JAKMIP2: variants seen among roughly 807,000 people sequenced by gnomAD.
JAKMIP2 encodes the protein janus kinase and microtubule-interacting protein 2.
Under a neutral mutation model 115.0 loss-of-function variants are expected in JAKMIP2, and 25 were observed. The ratio of observed to expected loss-of-function variants is 0.22; its 90% CI spans 0.16 to 0.30. The LOEUF is 0.30. Among genes scored for constraint, JAKMIP2 ranks in the 10% least tolerant of loss-of-function variants. The pLI is 1.00. For synonymous variants in JAKMIP2, 334 were observed against 343.6 expected, an observed-to-expected ratio of 0.97 and a Z score of 0.31; for missense variants, 642 against 957.6, an observed-to-expected ratio of 0.67 and a Z score of 4.35.
intron 1 of JAKMIP2, among the ~76,000 whole-genome samples, chr5:147,724,366 T>A (rs1414084169): frequency 6.6e-6 from 1 of 152,190 alleles, no homozygotes; most frequent in Non-Finnish European, 1.5e-5. Flanking sequence ...CACCTGCAGC[T>A]TGATAGAATA....
intron 1 of JAKMIP2, among the ~76,000 whole-genome samples, chr5:147,744,597 A>C (rs1463181906): frequency 6.6e-6 from 1 of 152,220 alleles, no homozygotes; most frequent in Admixed American, 6.5e-5. Context: ...TTACAAAAAT[A>C]ATTACAGCAT....
In JAKMIP2 at chr5:147,641,817, T is replaced by A. The variant is rs898836788; in HGVS notation, c.1225-53A>T. 3 of 1,429,196 alleles carry A rather than the reference T, an allele frequency of 2.1e-6. No individual in the cohort carries two copies. In the African/African-American group the frequency reaches 4.2e-5, roughly 20 times the overall value. The allele number at this position is 1,429,196 out of a possible 1,614,324, so 88.5% of individuals were successfully genotyped here. A position where few individuals can be genotyped will look rare whatever the true frequency, so the allele number is the denominator to read the frequency against. ...TCCAGAATTGGTAGATGTTTCTTTA[T>A]AGTTTTTTGCAAAGACAGAGTGTTC... On this transcript the variant is annotated intron_variant, in intron 7 of 21. Transcript: ENST00000616793.
intron 21 of JAKMIP2, among the ~76,000 whole-genome samples, chr5:147,598,970 T>C (rs1324795638): frequency 1.3e-5 from 2 of 152,204 alleles, no homozygotes; most frequent in East Asian, 1.9e-4. Context: ...TTTTCAGTGA[T>C]GTTTTATTCC....
At chr5:147,701,246 A>G (rs981886871) in intron 1 of JAKMIP2, among the ~76,000 whole-genome samples, 10 of 152,170 alleles carry the variant, frequency 6.6e-5, no homozygotes, top group African/African-American at 2.4e-4. Context: ...TTACTTTGTG[A>G]TCAGATACTG....
chr5:147,698,577 T>C (rs909471625), intron 1 of JAKMIP2, among the ~76,000 whole-genome samples: 3 of 152,154 alleles, frequency 2.0e-5, no homozygotes, highest in Non-Finnish European at 4.4e-5. Context: ...ATGATGAAGA[T>C]GGTTTTCCTC....
intron 1 of JAKMIP2, among the ~76,000 whole-genome samples, chr5:147,769,198 C>A (rs1320603861): frequency 6.6e-6 from 1 of 152,128 alleles, no homozygotes; most frequent in Non-Finnish European, 1.5e-5. Context: ...CTCACACAGT[C>A]CTCCCCGGAG....
rs1309529979 is a variant in JAKMIP2, at chr5:147,644,034, G to A, written c.1224+24C>T. On this transcript the variant is annotated intron_variant, in intron 7 of 21. Coordinates refer to ENST00000616793, the MANE Select transcript of JAKMIP2 (RefSeq NM_001270941.2). Reference sequence around the variant, plus strand: ...TACTTGTCCTTGGGAACAACTTAGGGTTTACAGATTGATTGACACGTACCC... The same window carrying A: ...TACTTGTCCTTGGGAACAACTTAGGATTTACAGATTGATTGACACGTACCC... 5 of 1,520,286 alleles carry A rather than the reference G, an allele frequency of 3.3e-6. No individual in the cohort carries two copies. In the South Asian group the frequency reaches 6.9e-5, roughly 21 times the overall value. The allele number at this position is 1,520,286 out of a possible 1,614,324, so 94.2% of individuals were successfully genotyped here. A position where few individuals can be genotyped will look rare whatever the true frequency, so the allele number is the denominator to read the frequency against.
At chr5:147,700,014 G>T (rs1220005420) in intron 1 of JAKMIP2, among the ~76,000 whole-genome samples, 1 of 152,194 alleles carries the variant, frequency 6.6e-6, no homozygotes, top group African/African-American at 2.4e-5. Flanking sequence ...TGGCTGAAAG[G>T]CCAGTGCTCC....
chr5:147,647,064 A>G lies in JAKMIP2; in HGVS notation c.936+1312T>C, dbSNP rs77285291. On this transcript the variant is annotated intron_variant, in intron 5 of 21. Coordinates refer to ENST00000616793, the MANE Select transcript of JAKMIP2 (RefSeq NM_001270941.2). ...GAGTATGCCTCCTTTTCATGTAAAC[A>G]TGTAACATTGCTAAAATTGACTGTA... Among the ~76,000 whole-genome samples the G allele has an allele frequency of 1.1e-3, 172 of 152,196 alleles. 2 individuals are homozygous for G. The East Asian group carries it at 0.032, about 29-fold the overall frequency.
At chr5:147,690,992 C>T (rs1036833437) in intron 1 of JAKMIP2, among the ~76,000 whole-genome samples, 6 of 152,046 alleles carry the variant, frequency 3.9e-5, no homozygotes, top group Admixed American at 3.3e-4. Flanking sequence ...TTCTGGTCTC[C>T]TTTTCCTCAT....
intron 1 of JAKMIP2, among the ~76,000 whole-genome samples, chr5:147,742,155 A>ATATATTTTT: frequency 1.1e-4 from 12 of 108,882 alleles, no homozygotes; most frequent in African/African-American, 1.1e-4. Flanking sequence ...ATATATATAT[A>ATATATTTTT]TTTTTTTTAC....
At chr5:147,644,453 C>T (rs967185353) in intron 6 of JAKMIP2, among the ~76,000 whole-genome samples, 15 of 152,048 alleles carry the variant, frequency 9.9e-5, no homozygotes, top group African/African-American at 2.2e-4. Flanking sequence ...TTCACTTGTC[C>T]GCATATAACA....
rs545255645 is a variant in JAKMIP2 at position 147,653,473 on chromosome 5, T to A, written c.628-2926A>T. 8.0e-3 allele frequency among the ~76,000 whole-genome samples: 1,205 copies of A among 150,406 alleles called. 17 individuals carry two copies. Among genetic ancestry groups the A allele is most frequent in the African/African-American group, 0.027 (1,114 of 41,184 alleles). ...TCTCAAATAATCAGAGATGATGAGCTTTTTTTTTTCATGTTTGTTGGCCGC... is the reference window on the plus strand; with the variant it reads ...TCTCAAATAATCAGAGATGATGAGCATTTTTTTTTCATGTTTGTTGGCCGC... On this transcript the variant is annotated intron_variant, in intron 3 of 21. Transcript: ENST00000616793.
In JAKMIP2 at chr5:147,782,661, G is replaced by GGCGGCAGCA; in HGVS notation, c.-363_-355dup. On this transcript the variant is annotated 5_prime_UTR_variant, in exon 1 of 22. Transcript: ENST00000616793. ...GAGTATCAGCAATAGAGGCGGCGGC[G>GGCGGCAGCA]GCGGCAGCAGCAGCAGCAGCAGCAT... 1 of 643,168 alleles carries GGCGGCAGCA rather than the reference G, an allele frequency of 1.6e-6. No individual in the cohort carries two copies. Among genetic ancestry groups the GGCGGCAGCA allele is most frequent in the Non-Finnish European group, 2.8e-6 (1 of 363,184 alleles). The allele number at this position is 643,168 out of a possible 1,614,324, so 39.8% of individuals were successfully genotyped here.
chr5:147,690,624 T>A (rs1751799016), intron 1 of JAKMIP2, among the ~76,000 whole-genome samples: 1 of 147,460 alleles, frequency 6.8e-6, no homozygotes. Flanking sequence ...TATAGGTACA[T>A]ACATGCATAA....
chr5:147,620,678 G>T lies in JAKMIP2; in HGVS notation c.2130C>A (p.Asp710Glu). 6.2e-7 allele frequency: 1 copy of T among 1,612,798 alleles called. No homozygotes were observed. Among genetic ancestry groups the T allele is most frequent in the South Asian group, 1.1e-5 (1 of 91,052 alleles). ...EELDYRKQAL[D>E]QAYMRIQELE... ...TTGTTGTACCTACCATATATGCTTG[G>T]TCAAGAGCTTGTTTTCTGTAGTCTA... is the stretch of plus-strand genomic sequence containing the variant. Residue 710 changes from aspartate to glutamate, a missense_variant, in exon 18 of 22, where the codon GAC becomes GAA. Coordinates refer to ENST00000616793, the MANE Select transcript of JAKMIP2 (RefSeq NM_001270941.2).
intron 7 of JAKMIP2, among the ~76,000 whole-genome samples, chr5:147,643,526 A>T (rs1006967268): frequency 2.0e-5 from 3 of 152,188 alleles, no homozygotes; most frequent in Non-Finnish European, 4.4e-5. Flanking sequence ...GGAAGTAATA[A>T]CTGCTCTACC....
chr5:147,700,295 C>A (rs964888964), intron 1 of JAKMIP2, among the ~76,000 whole-genome samples: 1 of 151,480 alleles, frequency 6.6e-6, no homozygotes, highest in Non-Finnish European at 1.5e-5. Flanking sequence ...ATAAATCAAA[C>A]CTTTAGGATG....
At chr5:147,705,147 C>T (rs1752513353) in intron 1 of JAKMIP2, among the ~76,000 whole-genome samples, 1 of 152,026 alleles carries the variant, frequency 6.6e-6, no homozygotes. Flanking sequence ...TCAGTTAAAC[C>T]CATTATAAGT....
Sources: gnomAD v4.1 joint callset for allele counts (sites outside exome capture counted in the v4.1 genomes callset) on GRCh38, gnomAD v4.1.1 for gene constraint, MANE v1.5 for transcripts, NCBI Gene and HGNC (gene_info 2026-07-23, HGNC 2026-07-21) for gene names.